The following SRPK2 variants were observed in gnomAD, a reference collection of about 807,000 sequenced individuals.
SRPK2 encodes SFRS protein kinase 2.
Under a neutral mutation model 90.8 loss-of-function variants are expected in SRPK2, and 21 were observed. The ratio of observed to expected loss-of-function variants is 0.23; its 90% CI spans 0.16 to 0.33. The LOEUF (loss-of-function observed/expected upper bound fraction) is 0.33. Ranked by LOEUF, SRPK2 falls within the 10% of genes least tolerant of loss-of-function variation. The pLI, the probability that SRPK2 is intolerant of heterozygous loss-of-function variation, is 1.00. For synonymous variants in SRPK2, 288 were observed against 311.1 expected (o/e 0.93, Z 0.78); for missense variants, 620 against 869.0 (o/e 0.71, Z 3.60).
chr7:105,299,154 G>C (rs1208470298), intron 2 of SRPK2, among the ~76,000 whole-genome samples: 1 of 152,196 alleles, frequency 6.6e-6, no homozygotes, highest in Non-Finnish European at 1.5e-5. Context: ...CTACAGTCCT[G>C]TGTTCTGCAT....
intron 2 of SRPK2, among the ~76,000 whole-genome samples, chr7:105,331,608 T>A (rs1451546040): frequency 1.3e-5 from 2 of 152,170 alleles, no homozygotes; most frequent in African/African-American, 2.4e-5. Flanking sequence ...TTTAAATACA[T>A]ACGACATTTC....
At chr7:105,149,612 C>T (rs938234322) in intron 7 of SRPK2, among the ~76,000 whole-genome samples, 2 of 152,176 alleles carry the variant, frequency 1.3e-5, no homozygotes, top group African/African-American at 2.4e-5. Context: ...CTCAGTCTCT[C>T]GTCCCACCCG....
chr7:105,367,819 T>C (rs1819246103), intron 2 of SRPK2, among the ~76,000 whole-genome samples: 1 of 152,208 alleles, frequency 6.6e-6, no homozygotes, highest in East Asian at 1.9e-4. Context: ...ATTTTAAGCA[T>C]TCATGACATA....
At chr7:105,315,976 T>C (rs1018983828) in intron 2 of SRPK2, among the ~76,000 whole-genome samples, 1 of 151,750 alleles carries the variant, frequency 6.6e-6, no homozygotes, top group African/African-American at 2.4e-5. Context: ...AGCCTTTTTA[T>C]AGAAAGCAAA....
intron 2 of SRPK2, among the ~76,000 whole-genome samples, chr7:105,285,388 A>G (rs1356839749): frequency 1.4e-3 from 38 of 27,052 alleles, no homozygotes; most frequent in African/African-American, 3.3e-3. Flanking sequence ...CCGTCTCCAA[A>G]AAAAAAAAAA....
chr7:105,176,709 ATGTGTGTGTGTG>A (rs34930111), intron 3 of SRPK2, among the ~76,000 whole-genome samples: 2 of 127,436 alleles, frequency 1.6e-5, no homozygotes, highest in Admixed American at 1.6e-4. Flanking sequence ...ATGTATGTGT[ATGTGTGTGTGTG>A]TGTGTATGTA....
chr7:105,398,541 G>C (rs141826745), intron 1 of SRPK2, among the ~76,000 whole-genome samples: 1 of 152,046 alleles, frequency 6.6e-6, no homozygotes, highest in South Asian at 2.1e-4. Flanking sequence ...ATGCCACCAC[G>C]CCTAGCTAAT....
At chr7:105,358,223 CAA>C (rs976713048) in intron 2 of SRPK2, among the ~76,000 whole-genome samples, 19 of 53,642 alleles carry the variant, frequency 3.5e-4, no homozygotes, top group Admixed American at 7.4e-4. Context: ...GACTCCGTCT[CAA>C]AAAAAAAAAA....
At chr7:105,343,773 T>G (rs1439630560) in intron 2 of SRPK2, among the ~76,000 whole-genome samples, 1 of 152,094 alleles carries the variant, frequency 6.6e-6, no homozygotes, top group African/African-American at 2.4e-5. Flanking sequence ...TATTTTTTAT[T>G]TTTTTGGAGA....
intron 2 of SRPK2, among the ~76,000 whole-genome samples, chr7:105,325,658 G>A (rs1223198549): frequency 1.3e-5 from 2 of 150,808 alleles, no homozygotes; most frequent in African/African-American, 4.9e-5. Context: ...AGGAGTTCAA[G>A]ACAACATAGC....
chr7:105,168,286 AAAG>A (rs1790346579), intron 4 of SRPK2, among the ~76,000 whole-genome samples, 191 bp from the exon 5 acceptor site: 1 of 152,236 alleles, frequency 6.6e-6, no homozygotes, highest in African/African-American at 2.4e-5. Flanking sequence ...AAACTCAGTA[AAAG>A]ATTTGCATGT....
intron 2 of SRPK2, among the ~76,000 whole-genome samples, chr7:105,376,882 T>TACACACACACACACACACAC (rs34080086): frequency 8.3e-6 from 1 of 121,000 alleles, no homozygotes; most frequent in African/African-American, 3.2e-5. Context: ...TTTTCTCCTT[T>TACACACACACACACACACAC]ACACACACAC....
intron 2 of SRPK2, among the ~76,000 whole-genome samples, chr7:105,244,085 G>C (rs369683283): frequency 6.6e-6 from 1 of 152,320 alleles, no homozygotes; most frequent in African/African-American, 2.4e-5. Flanking sequence ...AGCTGGCAGG[G>C]GTAGAGGGCC....
At chr7:105,218,089 A>G (rs1162130209) in intron 2 of SRPK2, among the ~76,000 whole-genome samples, 1 of 152,230 alleles carries the variant, frequency 6.6e-6, no homozygotes, top group African/African-American at 2.4e-5. Context: ...TGATGGCCTG[A>G]GCAGGAGAAG....
At position 105,272,832 on chromosome 7, in the gene SRPK2, C is replaced by T. The variant is rs144811831; in HGVS notation, c.72-69047G>A. 6.2e-3 allele frequency among the ~76,000 whole-genome samples: 941 copies of T among 152,258 alleles called. 3 individuals carry two copies. The highest frequency in any genetic ancestry group is 9.5e-3 in the Non-Finnish European group (648 of 68,022). On this transcript the variant is annotated intron_variant, in intron 2 of 15. Coordinates refer to ENST00000393651, the MANE Select transcript of SRPK2 (RefSeq NM_182692.3). ...TATAAGCCTAATGTCTTCTTATATACTCCTGATCTCAGTGAACAGCAACAC... is the reference window on the plus strand; with the variant it reads ...TATAAGCCTAATGTCTTCTTATATATTCCTGATCTCAGTGAACAGCAACAC...
intron 11 of SRPK2, among the ~76,000 whole-genome samples, chr7:105,136,873 T>G (rs1272409564): frequency 1.3e-5 from 2 of 152,202 alleles, no homozygotes; most frequent in Non-Finnish European, 2.9e-5. Flanking sequence ...GTGCTAAGCA[T>G]GGTCTTGGTA....
At chr7:105,203,501 G>C (rs1795817452) in intron 3 of SRPK2, 127 bp downstream of exon 3, 1 of 991,992 alleles carries the variant, frequency 1.0e-6, no homozygotes, top group Admixed American at 2.9e-5. Flanking sequence ...AATGACACAA[G>C]GAGGCTAATT....
chr7:105,379,254 T>C (rs1820663115), intron 2 of SRPK2, among the ~76,000 whole-genome samples: 2 of 151,612 alleles, frequency 1.3e-5, no homozygotes, highest in Admixed American at 6.6e-5. Context: ...AGTAAATAAA[T>C]AATAACAAAA....
chr7:105,331,164 C>T (rs936935385), intron 2 of SRPK2, among the ~76,000 whole-genome samples: 1 of 151,654 alleles, frequency 6.6e-6, no homozygotes, highest in Non-Finnish European at 1.5e-5. Context: ...AAAAGATTAG[C>T]TGGGTGTGGT....
Sources: gnomAD v4.1 joint callset for allele counts (sites outside exome capture counted in the v4.1 genomes callset) on GRCh38, gnomAD v4.1.1 for gene constraint, MANE v1.5 for transcripts, NCBI Gene and HGNC (gene_info 2026-07-23, HGNC 2026-07-21) for gene names.